Variants in JPH1 observed in about 807,000 individuals in gnomAD.
JPH1 encodes the protein junctophilin-1.
Under a neutral mutation model 53.6 loss-of-function variants are expected in JPH1, and 12 were observed. The observed-to-expected ratio is 0.22, with a 90% CI of 0.14 to 0.36. JPH1 has a LOEUF of 0.36. Ranked by LOEUF, JPH1 falls within the 10% of genes least tolerant of loss-of-function variation. The pLI is 1.00. For synonymous variants in JPH1, 375 were observed against 363.8 expected (o/e 1.03, Z -0.35); for missense variants, 808 against 905.5 (o/e 0.89, Z 1.38).
chr8:74,259,869 A>G (rs948122671), intron 2 of JPH1, among the ~76,000 whole-genome samples: 8 of 152,238 alleles, frequency 5.3e-5, no homozygotes, highest in Non-Finnish European at 1.0e-4. Flanking sequence ...ATAAATTAAT[A>G]GTGTTTATCA....
intron 2 of JPH1, among the ~76,000 whole-genome samples, chr8:74,304,128 T>C (rs1028407727): frequency 6.6e-6 from 1 of 152,238 alleles, no homozygotes; most frequent in Non-Finnish European, 1.5e-5. Context: ...CCCCTTCCTA[T>C]GCGTTACCTA....
chr8:74,271,982 G>A (rs1204412386), intron 2 of JPH1, among the ~76,000 whole-genome samples: 1 of 152,196 alleles, frequency 6.6e-6, no homozygotes, highest in Non-Finnish European at 1.5e-5. Context: ...CAAGACAAAG[G>A]GGCAGGCAAC....
chr8:74,299,803 A>G (rs982381901), intron 2 of JPH1, among the ~76,000 whole-genome samples: 9 of 152,100 alleles, frequency 5.9e-5, no homozygotes, highest in African/African-American at 1.9e-4. Context: ...TATCTTTAAC[A>G]TGTTGTCATT....
intron 3 of JPH1, among the ~76,000 whole-genome samples, chr8:74,254,927 C>A (rs552141606): frequency 4.3e-4 from 65 of 152,190 alleles, no homozygotes; most frequent in Non-Finnish European, 6.9e-4. Flanking sequence ...ATTCCATGCT[C>A]ATGGGTAGGA....
At chr8:74,285,733 G>C (rs148777782) in intron 2 of JPH1, among the ~76,000 whole-genome samples, 1 of 152,322 alleles carries the variant, frequency 6.6e-6, no homozygotes, top group African/African-American at 2.4e-5. Flanking sequence ...GCAACATGTT[G>C]CTTTTCTAAA....
chr8:74,279,604 C>T (rs1806950599), intron 2 of JPH1, among the ~76,000 whole-genome samples: 1 of 152,170 alleles, frequency 6.6e-6, no homozygotes, highest in Non-Finnish European at 1.5e-5. Flanking sequence ...TTCTATCTAC[C>T]TGTGATATAT....
chr8:74,254,387 T>C (rs1404035724), intron 3 of JPH1, among the ~76,000 whole-genome samples: 3 of 152,084 alleles, frequency 2.0e-5, no homozygotes, highest in Non-Finnish European at 2.9e-5. Context: ...ATTGATGGGA[T>C]GTATCTCAAA....
chr8:74,248,969 G>T (rs893476510), intron 3 of JPH1, among the ~76,000 whole-genome samples: 1 of 152,114 alleles, frequency 6.6e-6, no homozygotes, highest in African/African-American at 2.4e-5. Context: ...AATCCCAAAG[G>T]ATTTTCTCCC....
At chr8:74,256,123 C>G (rs556744279) in intron 3 of JPH1, among the ~76,000 whole-genome samples, 3 of 152,072 alleles carry the variant, frequency 2.0e-5, no homozygotes, top group Non-Finnish European at 4.4e-5. Context: ...TTGACAATAG[C>G]AAAGACTTGG....
At chr8:74,287,221 CAGT>C (rs1807191826) in intron 2 of JPH1, among the ~76,000 whole-genome samples, 2 of 152,148 alleles carry the variant, frequency 1.3e-5, no homozygotes, top group South Asian at 4.1e-4. Flanking sequence ...CACCTGAGGT[CAGT>C]AGTTTGAGAC....
At chr8:74,239,937 ATTCT>A (rs1261529804) in intron 4 of JPH1, among the ~76,000 whole-genome samples, 1 of 152,204 alleles carries the variant, frequency 6.6e-6, no homozygotes, top group Non-Finnish European at 1.5e-5. Context: ...TAAAGCATTT[ATTCT>A]TTGTGTTCCA....
At position 74,245,112 on chromosome 8, in the gene JPH1, T is replaced by C. The variant is rs76335013; in HGVS notation, c.1322A>G (p.Lys441Arg). 3.2e-3 allele frequency: 5,137 copies of C among 1,613,026 alleles called. 133 individuals are homozygous for C. In the African/African-American group the frequency reaches 0.054, roughly 17 times the overall value. The change falls in exon 4 of 6, where the codon AAG (lysine) becomes AGG (arginine). Residue 441 changes from lysine (K) to arginine (R), a missense_variant. Physicochemically the swap from Lys to Arg is conservative, Grantham distance 26. This residue lies in a region of JPH1 where 756 missense variants were observed against 811.9 expected (regional missense o/e 0.93). Transcript: ENST00000342232. Reference protein sequence around the residue: ...GVDAKENPEEKVPEKPPTPKE... With the variant: ...GVDAKENPEERVPEKPPTPKE... ...TGGTGTAGGTGGCTTTTCTGGTACC[T>C]TTTCTTCTGGATTTTCTTTAGCATC...
Position 74,290,516 on chromosome 8 carries a change from C to G in JPH1, c.1139+24345G>C, listed in dbSNP as rs558918779. On this transcript the variant is annotated intron_variant, in intron 2 of 5. Coordinates refer to ENST00000342232, the MANE Select transcript of JPH1 (RefSeq NM_020647.4). ...AAATGGAAGAACATTCCATGCTCAC[C>G]GATAGGAAGAATCAATGTTGTGAAA... 4.6e-5 allele frequency among the ~76,000 whole-genome samples: 7 copies of G among 152,058 alleles called. No individual in the cohort carries two copies. The East Asian group carries it at 5.8e-4, about 13-fold the overall frequency.
chr8:74,239,961 A>G (rs1805645287), intron 4 of JPH1, among the ~76,000 whole-genome samples: 1 of 152,058 alleles, frequency 6.6e-6, no homozygotes, highest in African/African-American at 2.4e-5. Flanking sequence ...AAACAATCCA[A>G]TTATACTCTT....
At chr8:74,270,495 G>C (rs1806667437) in intron 2 of JPH1, among the ~76,000 whole-genome samples, 1 of 152,178 alleles carries the variant, frequency 6.6e-6, no homozygotes, top group South Asian at 2.1e-4. Context: ...GAAAATGGAA[G>C]CAGAAACAAA....
intron 2 of JPH1, among the ~76,000 whole-genome samples, chr8:74,280,549 G>A (rs1806982494): frequency 6.6e-6 from 1 of 152,150 alleles, no homozygotes; most frequent in South Asian, 2.1e-4. Context: ...TGGGAAGGAA[G>A]AAGGGAGGCA....
chr8:74,248,876 T>C (rs1805947345), intron 3 of JPH1, among the ~76,000 whole-genome samples: 1 of 152,204 alleles, frequency 6.6e-6, no homozygotes, highest in East Asian at 1.9e-4. Flanking sequence ...CTAGTCAGAA[T>C]ATTGCCAGGG....
At chr8:74,261,729 T>C (rs1447965453) in intron 2 of JPH1, among the ~76,000 whole-genome samples, 1 of 152,222 alleles carries the variant, frequency 6.6e-6, no homozygotes, top group Non-Finnish European at 1.5e-5. Flanking sequence ...TTTTGTCCGC[T>C]ATTCTTAGCC....
At chr8:74,287,857 T>A (rs1458384673) in intron 2 of JPH1, among the ~76,000 whole-genome samples, 1 of 152,162 alleles carries the variant, frequency 6.6e-6, no homozygotes, top group South Asian at 2.1e-4. Context: ...ATTAATCTTA[T>A]TGAAGAAATT....
Sources: gnomAD v4.1 joint callset for allele counts (sites outside exome capture counted in the v4.1 genomes callset) on GRCh38, gnomAD v4.1.1 for gene constraint, gnomAD v4.1.1 regional missense constraint, MANE v1.5 for transcripts, NCBI Gene and HGNC (gene_info 2026-07-23, HGNC 2026-07-21) for gene names.